PDZD7: variants seen among roughly 807,000 people sequenced by gnomAD.
PDZD7 encodes PDZ domain containing 7.
A neutral mutation model predicts 84.7 loss-of-function variants in PDZD7; 72 were observed. That is an observed-to-expected ratio of 0.85 (90% CI 0.70 to 1.03). PDZD7 has a LOEUF of 1.03. Ranked by LOEUF, PDZD7 falls within the 50% of genes least tolerant of loss-of-function variation. The pLI, the probability that PDZD7 is intolerant of heterozygous loss-of-function variation, is 0.00. For missense variants in PDZD7, 1,490 were observed against 1,412.9 expected, an observed-to-expected ratio of 1.05 and a Z score of -0.87; for synonymous variants, 594 against 580.7, an observed-to-expected ratio of 1.02 and a Z score of -0.33.
chr10:101,030,936 T>G (rs1383864400), intron 1 of PDZD7, 137 bp downstream of exon 1: 1 of 154,512 alleles, frequency 6.5e-6, no homozygotes, highest in Non-Finnish European at 1.4e-5. Context: ...GAGGATCTGC[T>G]GGAGAGGGGT....
In PDZD7 at chr10:101,019,164, C is replaced by T. The variant is rs954809799; in HGVS notation, c.982G>A (p.Val328Ile). 1.9e-6 allele frequency: 3 copies of T among 1,539,526 alleles called. No individual in the cohort carries two copies. Among genetic ancestry groups the T allele is most frequent in the Middle Eastern group, 1.7e-4 (1 of 5,800 alleles). The part of the protein sequence containing the change: ...LSPASESSSS[V>I]SSCASSAPYS... ...GGGGCGCTGGAGGCGCACGAAGAGA[C>T]GCTGGAGCTGCTCTCAGAGGCCGGG... Residue 328 changes from valine (V) to isoleucine (I), a missense_variant, in exon 8 of 17, where the codon GTC becomes ATC. Val to Ile is a conservative substitution (Grantham distance 29). Transcript: ENST00000619208.
In PDZD7 at chr10:101,022,345, C is replaced by G. The variant is rs146641918; in HGVS notation, c.583G>C (p.Gly195Arg). The change falls in exon 5 of 17, where the codon GGT (glycine) becomes CGT (arginine). Residue 195 changes from glycine to arginine, a missense_variant. Coordinates refer to ENST00000619208, the MANE Select transcript of PDZD7 (RefSeq NM_001195263.2). ...VNRRLVVEKCGSTPSDTSSED... is the reference protein window; with the variant it reads ...VNRRLVVEKCRSTPSDTSSED... Reference sequence around the variant, plus strand: ...GAGCTGGTGTCGGAGGGTGTTGAACCGCACTTCTCCACTACCAGGCGCCGA... The same window carrying G: ...GAGCTGGTGTCGGAGGGTGTTGAACGGCACTTCTCCACTACCAGGCGCCGA... 23 of 1,614,056 alleles carry G rather than the reference C, an allele frequency of 1.4e-5. No homozygotes were observed. The highest frequency in any genetic ancestry group is 1.9e-5 in the Non-Finnish European group (23 of 1,180,044).
chr10:101,018,571 G>A (rs1389419106), intron 8 of PDZD7, among the ~76,000 whole-genome samples: 1 of 152,184 alleles, frequency 6.6e-6, no homozygotes, highest in Middle Eastern at 3.2e-3. Context: ...AATAGGCCTG[G>A]GAACTCCAGG....
chr10:101,012,402 C>T, intron 11 of PDZD7, 144 bp from the exon 12 acceptor site: 1 of 708,902 alleles, frequency 1.4e-6, no homozygotes, highest in Non-Finnish European at 2.5e-6. Flanking sequence ...CACTCCACCC[C>T]CAGCTGCCAC....
chr10:101,025,798 T>C (rs971360443), intron 2 of PDZD7, among the ~76,000 whole-genome samples: 18 of 151,398 alleles, frequency 1.2e-4, no homozygotes, highest in Non-Finnish European at 1.9e-4. Context: ...CTGCCCGCCT[T>C]GGCCTCCTAA....
intron 16 of PDZD7, 123 bp downstream of exon 16, chr10:101,009,127 C>G: frequency 1.0e-6 from 1 of 957,812 alleles, no homozygotes; most frequent in Admixed American, 2.5e-5. Context: ...ACCCCCTCAC[C>G]CCAAGCCTCC....
chr10:101,020,078 A>G (rs192249932), intron 7 of PDZD7, among the ~76,000 whole-genome samples: 27 of 150,870 alleles, frequency 1.8e-4, no homozygotes, highest in African/African-American at 5.1e-4. Context: ...ACAGGCCCTC[A>G]CCACCACTCC....
Position 101,011,734 on chromosome 10 carries a change from C to T in PDZD7, c.1961G>A (p.Arg654Gln). The T allele has an allele frequency of 2.6e-6, 4 of 1,546,430 alleles. No homozygotes were observed. The highest frequency in any genetic ancestry group is 3.5e-6 in the Non-Finnish European group (4 of 1,146,954). ...AVRPPALRPARQDTPPKRHLI... is the reference protein window; with the variant it reads ...AVRPPALRPAQQDTPPKRHLI... ...GTGACGCTTGGGTGGCGTGTCCTGC[C>T]GGGCTGGTCTCAAAGCAGGAGGCCG... The change falls in exon 14 of 17, where the codon CGG becomes CAG. Residue 654 changes from arginine to glutamine, a missense_variant. Transcript: ENST00000619208.
chr10:101,009,901 C>T (rs1310395369), intron 15 of PDZD7, among the ~76,000 whole-genome samples: 1 of 151,036 alleles, frequency 6.6e-6, no homozygotes, highest in African/African-American at 2.4e-5. Flanking sequence ...GCCACCGCGC[C>T]CGGCTGAGAC....
Position 101,022,348 on chromosome 10 carries a change from A to G in PDZD7, c.580T>C (p.Cys194Arg), listed in dbSNP as rs1590066908. The G allele has an allele frequency of 8.7e-6, 14 of 1,614,042 alleles. No homozygotes were observed. The highest frequency in any genetic ancestry group is 1.0e-5 in the Non-Finnish European group (12 of 1,180,012). ...VVNRRLVVEK[C>R]GSTPSDTSSE... Reference sequence around the variant, plus strand: ...CTGGTGTCGGAGGGTGTTGAACCGCACTTCTCCACTACCAGGCGCCGATTC... The same window carrying G: ...CTGGTGTCGGAGGGTGTTGAACCGCGCTTCTCCACTACCAGGCGCCGATTC... The change falls in exon 5 of 17, where the codon TGC becomes CGC. Residue 194 changes from cysteine (C) to arginine (R), a missense_variant. Coordinates refer to ENST00000619208, the MANE Select transcript of PDZD7 (RefSeq NM_001195263.2).
chr10:101,019,363 C>G lies in PDZD7; in HGVS notation c.929-146G>C, dbSNP rs1183666105. On this transcript the variant is annotated intron_variant, in intron 7 of 16. Coordinates refer to ENST00000619208, the MANE Select transcript of PDZD7 (RefSeq NM_001195263.2). ...CGCAGTGGTGAGGAACCCGCTGCTC[C>G]GAAATGCTGCCACTGACCTAAGGCA... 4 of 1,004,300 alleles carry G rather than the reference C, an allele frequency of 4.0e-6. No individual in the cohort carries two copies. In the Admixed American group the frequency reaches 1.0e-4, roughly 26 times the overall value. 62.2% of individuals were successfully genotyped at this position (1,004,300 alleles called of 1,614,324 possible). A position where few individuals can be genotyped will look rare whatever the true frequency, so the allele number is the denominator to read the frequency against.
intron 2 of PDZD7, among the ~76,000 whole-genome samples, chr10:101,029,518 G>C (rs1031999291): frequency 6.6e-6 from 1 of 152,132 alleles, no homozygotes; most frequent in Admixed American, 6.5e-5. Context: ...CCTTCAGCAC[G>C]GAAGCCCTGA....
intron 11 of PDZD7, 39 bp from the exon 12 acceptor site, chr10:101,012,297 G>C: frequency 6.7e-7 from 1 of 1,487,394 alleles, no homozygotes; most frequent in Non-Finnish European, 9.2e-7. Flanking sequence ...AGCAGTGGGG[G>C]CTTCCAGAGC....
rs536909953 is a variant in PDZD7 at position 101,010,248 on chromosome 10, G to A, written c.2617+24C>T. The A allele has an allele frequency of 4.9e-5, 74 of 1,502,666 alleles. 1 individual carries two copies. In the East Asian group the frequency reaches 1.7e-3, roughly 35 times the overall value. The allele number at this position is 1,502,666 out of a possible 1,614,324, so 93.1% of individuals were successfully genotyped here. A position where few individuals can be genotyped will look rare whatever the true frequency, so the allele number is the denominator to read the frequency against. On this transcript the variant is annotated intron_variant, in intron 15 of 16. Transcript: ENST00000619208. ...CCCAGGCTTCCTAGTGTCCTCTGCC[G>A]GGCCCAGTCCCACGTGGACTCACCT...
At chr10:101,029,950 C>A in intron 2 of PDZD7, 44 bp downstream of exon 2, 1 of 1,453,150 alleles carries the variant, frequency 6.9e-7, no homozygotes, top group Non-Finnish European at 9.6e-7. Context: ...GTCCCCTACC[C>A]CCACCCTCCC....
chr10:101,030,712 G>A (rs1044220416), intron 1 of PDZD7: 9 of 266,286 alleles, frequency 3.4e-5, no homozygotes, highest in Admixed American at 4.8e-5. Context: ...CAAAAGAGAG[G>A]TCAGGACAGC....
Position 101,021,813 on chromosome 10 carries a change from G to A in PDZD7, c.852C>T (p.Ile284=). 1.2e-6 allele frequency: 2 copies of A among 1,614,170 alleles called. No individual in the cohort carries two copies. Among genetic ancestry groups the A allele is most frequent in the Non-Finnish European group, 8.5e-7 (1 of 1,180,032 alleles). ...TTCTGCCCACCTTGATGGTCAGCAT[G>A]ATGTGCGTTTGGCCCTTCAGCACCT... is the stretch of plus-strand genomic sequence containing the variant. ...AVEVLKGQTH[I]MLTIKETGRY... Residue 284 remains isoleucine (I), a synonymous_variant, in exon 6 of 17, where the codon ATC becomes ATT. Coordinates refer to ENST00000619208, the MANE Select transcript of PDZD7 (RefSeq NM_001195263.2).
rs1394885704 is a variant in PDZD7 at position 101,011,713 on chromosome 10, C to T, written c.1982G>A (p.Arg661His). The T allele has an allele frequency of 2.6e-6, 4 of 1,541,784 alleles. No homozygotes were observed. The highest frequency in any genetic ancestry group is 3.9e-5 in the Admixed American group (2 of 50,994). ...RPARQDTPPK[R>H]HLITPVPDSR... ...ACCAGGCACGGGGGTGATAAGGTGACGCTTGGGTGGCGTGTCCTGCCGGGC... is the reference window on the plus strand; with the variant it reads ...ACCAGGCACGGGGGTGATAAGGTGATGCTTGGGTGGCGTGTCCTGCCGGGC... Residue 661 changes from arginine to histidine, a missense_variant, in exon 14 of 17, where the codon CGT becomes CAT. Transcript: ENST00000619208.
chr10:101,018,175 C>T lies in PDZD7; in HGVS notation c.1446G>A (p.Arg482=), dbSNP rs1852814151. ...GTGTCCAGGCCTCTCTGCGCCCGTC[C>T]CGCGCTAGCCTCCCCTGCCGCCCTC... ...FKGGRQGRLA[R]DGRREAWTLD... The change falls in exon 9 of 17, where the codon CGG becomes CGA. Residue 482 remains arginine (R), a synonymous_variant. Transcript: ENST00000619208. The T allele has an allele frequency of 6.2e-7, 1 of 1,614,252 alleles. No homozygotes were observed. Among genetic ancestry groups the T allele is most frequent in the Non-Finnish European group, 8.5e-7 (1 of 1,180,052 alleles).
Sources: gnomAD v4.1 joint callset for allele counts (sites outside exome capture counted in the v4.1 genomes callset) on GRCh38, gnomAD v4.1.1 for gene constraint, MANE v1.5 for transcripts, NCBI Gene and HGNC (gene_info 2026-07-23, HGNC 2026-07-21) for gene names.